STPG2: variants seen among roughly 807,000 people sequenced by gnomAD.
The protein encoded by STPG2 is sperm-tail PG-rich repeat-containing protein 2.
Under a neutral mutation model 54.2 loss-of-function variants are expected in STPG2, and 56 were observed. That is an observed-to-expected ratio of 1.03 (90% CI 0.83 to 1.29). The LOEUF is 1.29. Among genes scored for constraint, STPG2 ranks in the 50% most tolerant of loss-of-function variants. The pLI is 0.00. For missense variants in STPG2, 596 were observed against 544.9 expected (o/e 1.09, Z -0.93); for synonymous variants, 200 against 181.8 (o/e 1.10, Z -0.81).
At chr4:97,712,562 C>A (rs1023253103) in intron 10 of STPG2, 137 bp downstream of exon 10, 9 of 510,820 alleles carry the variant, frequency 1.8e-5, no homozygotes, top group Non-Finnish European at 2.5e-5. Context: ...CTTCAAAAAT[C>A]TCCTTAGTCA....
chr4:97,990,810 A>T (rs1734978739), intron 5 of STPG2, among the ~76,000 whole-genome samples: 1 of 152,230 alleles, frequency 6.6e-6, no homozygotes, highest in Non-Finnish European at 1.5e-5. Flanking sequence ...AAACTGAAGT[A>T]TAATCTTCCA....
In STPG2 at chr4:97,943,961, T is replaced by A. The variant is rs1328790967; in HGVS notation, c.980A>T (p.Asn327Ile). The change falls in exon 8 of 11, where the codon AAC becomes ATC. Residue 327 changes from asparagine to isoleucine, a missense_variant. Asn to Ile is a moderately radical substitution (Grantham distance 149). Transcript: ENST00000295268. ...GAAAGCAGCATATTTGTTAGTCAAG[T>A]TAGGTAATTCATCAGAAATTCCCAC... ...QGVGISDELP[N>I]LTNKYAAFLS... 1.9e-6 allele frequency: 3 copies of A among 1,606,150 alleles called. No individual in the cohort carries two copies. The Admixed American group carries it at 5.2e-5, about 28-fold the overall frequency.
intron 4 of STPG2, among the ~76,000 whole-genome samples, chr4:97,506,553 A>G (rs1044491086): frequency 6.6e-6 from 1 of 152,042 alleles, no homozygotes; most frequent in East Asian, 1.9e-4. Context: ...ACAAATGGAA[A>G]GTGTTTTATA....
At chr4:97,602,191 G>A (rs1733480071) in intron 10 of STPG2, among the ~76,000 whole-genome samples, 1 of 151,684 alleles carries the variant, frequency 6.6e-6, no homozygotes, top group Non-Finnish European at 1.5e-5. Context: ...AATAATGTCA[G>A]TTGTTGAACT....
At chr4:97,469,495 T>C (rs1729871253) in intron 4 of STPG2, among the ~76,000 whole-genome samples, 1 of 152,044 alleles carries the variant, frequency 6.6e-6, no homozygotes, top group African/African-American at 2.4e-5. Flanking sequence ...GGTAGGATGT[T>C]GCCAACAGAG....
intron 4 of STPG2, among the ~76,000 whole-genome samples, chr4:97,538,335 G>T (rs987667655): frequency 3.3e-5 from 5 of 152,104 alleles, no homozygotes; most frequent in African/African-American, 1.2e-4. Flanking sequence ...CCGATGCAGA[G>T]AACTCCTTAA....
intron 9 of STPG2, among the ~76,000 whole-genome samples, chr4:97,722,911 C>T (rs1365121346): frequency 6.6e-6 from 1 of 150,388 alleles, no homozygotes; most frequent in Non-Finnish European, 1.5e-5. Flanking sequence ...CATTCTCCTG[C>T]CTCAGCCTCC....
chr4:97,630,220 G>A (rs1480124739), intron 10 of STPG2, among the ~76,000 whole-genome samples: 1 of 151,854 alleles, frequency 6.6e-6, no homozygotes, highest in East Asian at 1.9e-4. Context: ...CCAAAAAGAT[G>A]AAAGTCCAAG....
At chr4:97,742,304 T>A (rs1435790435) in intron 9 of STPG2, among the ~76,000 whole-genome samples, 1 of 151,746 alleles carries the variant, frequency 6.6e-6, no homozygotes, top group Non-Finnish European at 1.5e-5. Context: ...GCATGGCACA[T>A]GTATACATAT....
At chr4:98,028,252 C>T (rs1736490299) in intron 5 of STPG2, among the ~76,000 whole-genome samples, 1 of 152,132 alleles carries the variant, frequency 6.6e-6, no homozygotes, top group Non-Finnish European at 1.5e-5. Context: ...GGAAATTTCC[C>T]GCATCATCAA....
intron 5 of STPG2, among the ~76,000 whole-genome samples, chr4:98,044,257 T>C (rs531735693): frequency 6.6e-6 from 1 of 152,292 alleles, no homozygotes; most frequent in South Asian, 2.1e-4. Context: ...TTGATCTATG[T>C]ATTTACCTTT....
chr4:97,793,686 T>C (rs1727079824), intron 9 of STPG2, among the ~76,000 whole-genome samples: 1 of 152,006 alleles, frequency 6.6e-6, no homozygotes, highest in South Asian at 2.1e-4. Flanking sequence ...CAATATATTA[T>C]ATAAAATAAT....
chr4:97,938,404 C>A (rs186055485), intron 8 of STPG2, among the ~76,000 whole-genome samples: 8 of 146,092 alleles, frequency 5.5e-5, no homozygotes, highest in Admixed American at 2.1e-4. Flanking sequence ...TAATGGCTAT[C>A]CCTCCCTCGG....
chr4:97,712,749 T>C lies in STPG2; in HGVS notation c.1270A>G (p.Lys424Glu). ...CPIPLFVKAS[K>E]RFEESKEITP... Reference sequence around the variant, plus strand: ...ATCTCTTTGGACTCTTCAAAGCGCTTTGATGCTTTCACAAATAAGGGTATG... The same window carrying C: ...ATCTCTTTGGACTCTTCAAAGCGCTCTGATGCTTTCACAAATAAGGGTATG... Residue 424 changes from lysine to glutamate, a missense_variant, in exon 10 of 11, where the codon AAG becomes GAG. Coordinates refer to ENST00000295268, the MANE Select transcript of STPG2 (RefSeq NM_174952.3). The C allele has an allele frequency of 6.2e-7, 1 of 1,610,228 alleles. No homozygotes were observed. Among genetic ancestry groups the C allele is most frequent in the Non-Finnish European group, 8.5e-7 (1 of 1,177,540 alleles).
At chr4:97,888,826 G>T (rs1218287059) in intron 8 of STPG2, among the ~76,000 whole-genome samples, 1 of 152,166 alleles carries the variant, frequency 6.6e-6, no homozygotes, top group Admixed American at 6.5e-5. Flanking sequence ...AGTGTTGAAG[G>T]TGGGGCCTGG....
At chr4:98,109,141 T>A in intron 4 of STPG2, 52 bp downstream of exon 4, 4 of 1,138,958 alleles carry the variant, frequency 3.5e-6, no homozygotes, top group Non-Finnish European at 4.9e-6. Context: ...ATTATTAAAA[T>A]ACTTTTCTAG....
intron 1 of STPG2, among the ~76,000 whole-genome samples, 178 bp from the exon 2 acceptor site, chr4:98,134,637 A>G (rs544484176): frequency 4.5e-4 from 68 of 151,422 alleles, no homozygotes; most frequent in African/African-American, 1.5e-3. Context: ...CAGAATTTTT[A>G]TTAATATATT....
chr4:97,946,675 T>A (rs922244153), intron 7 of STPG2, among the ~76,000 whole-genome samples: 2 of 152,184 alleles, frequency 1.3e-5, no homozygotes, highest in Non-Finnish European at 2.9e-5. Context: ...TATGCTGTTC[T>A]ATGCTTTGTC....
At chr4:97,906,452 T>C (rs952474130) in intron 8 of STPG2, among the ~76,000 whole-genome samples, 4 of 152,172 alleles carry the variant, frequency 2.6e-5, no homozygotes, top group Non-Finnish European at 4.4e-5. Flanking sequence ...GAGGAGCTGG[T>C]ACCATTCCTT....
Sources: allele counts gnomAD v4.1 joint callset (sites outside exome capture counted in the v4.1 genomes callset), GRCh38; gene constraint gnomAD v4.1.1; transcripts MANE v1.5; gene names NCBI Gene and HGNC (gene_info 2026-07-23, HGNC 2026-07-21).